HYDIN: variants seen among roughly 807,000 people sequenced by gnomAD.
HYDIN encodes HYDIN axonemal central pair apparatus protein, also known as axonemal central pair apparatus protein HYDIN.
A neutral mutation model predicts 403.9 loss-of-function variants in HYDIN; 132 were observed. That is an observed-to-expected ratio of 0.33 (90% CI 0.28 to 0.38). The LOEUF (loss-of-function observed/expected upper bound fraction) is 0.38. Ranked by LOEUF, HYDIN falls within the 10% of genes least tolerant of loss-of-function variation. The pLI, the probability that HYDIN is intolerant of heterozygous loss-of-function variation, is 1.00. For synonymous variants in HYDIN, 1,202 were observed against 1,891.7 expected, an observed-to-expected ratio of 0.64 and a Z score of 9.46; for missense variants, 2,827 against 5,009.5, an observed-to-expected ratio of 0.56 and a Z score of 13.15.
At chr16:71,127,159 A>G (rs1002628393) in intron 9 of HYDIN, among the ~76,000 whole-genome samples, 2 of 152,226 alleles carry the variant, frequency 1.3e-5, no homozygotes, top group African/African-American at 4.8e-5. Context: ...GAAAACTAGG[A>G]AAGTTTCATG....
chr16:70,893,836 T>C (rs2041619788), intron 55 of HYDIN: 1 of 152,348 alleles, frequency 6.6e-6, no homozygotes, highest in Admixed American at 6.5e-5. Context: ...CTGTGTTTCA[T>C]TTTTTATCTC....
intron 68 of HYDIN, 118 bp downstream of exon 68, chr16:70,862,967 T>C (rs2143623604): frequency 1.6e-6 from 1 of 623,542 alleles, no homozygotes; most frequent in African/African-American, 1.9e-5. Context: ...AGGTCTCTGC[T>C]TTGCTTTTCT....
chr16:70,967,513 G>T (rs902286122), intron 36 of HYDIN, among the ~76,000 whole-genome samples: 1 of 150,108 alleles, frequency 6.7e-6, no homozygotes, highest in Admixed American at 6.6e-5. Context: ...ACAGAGTCTC[G>T]CTCTGTCGCC....
chr16:70,833,112 G>T, intron 79 of HYDIN, 45 bp from the exon 80 acceptor site: 1 of 1,541,760 alleles, frequency 6.5e-7, no homozygotes, highest in Non-Finnish European at 8.7e-7. Flanking sequence ...TATGGATGTT[G>T]TAAGGGTGTC....
intron 10 of HYDIN, among the ~76,000 whole-genome samples, chr16:71,094,659 T>C (rs1337341713): frequency 6.6e-6 from 1 of 152,308 alleles, no homozygotes; most frequent in African/African-American, 2.4e-5. Context: ...CATTTTTACG[T>C]ACACACACAA....
At chr16:71,036,349 T>C (rs1354176292) in intron 18 of HYDIN, among the ~76,000 whole-genome samples, 1 of 152,096 alleles carries the variant, frequency 6.6e-6, no homozygotes, top group Non-Finnish European at 1.5e-5. Flanking sequence ...ATAGCTTTGC[T>C]CATTTATGAG....
At chr16:70,902,778 T>A (rs2076416936) in intron 52 of HYDIN, among the ~76,000 whole-genome samples, 1 of 139,180 alleles carries the variant, frequency 7.2e-6, no homozygotes, top group Non-Finnish European at 1.5e-5. Flanking sequence ...TTTGGGAAAG[T>A]TCCATCTACT....
intron 67 of HYDIN, chr16:70,865,104 T>C (rs2039667207): frequency 8.6e-6 from 2 of 232,246 alleles, no homozygotes; most frequent in South Asian, 1.1e-4. Flanking sequence ...GCAGTAGAAA[T>C]GTCAGTGGCT....
At chr16:70,887,819 G>C (rs937670570) in intron 58 of HYDIN, among the ~76,000 whole-genome samples, 12 of 151,284 alleles carry the variant, frequency 7.9e-5, no homozygotes, top group African/African-American at 2.9e-4. Context: ...GAGTAGCTGG[G>C]ACTACAGGCA....
chr16:71,179,153 G>A, intron 3 of HYDIN, 106 bp from the exon 4 acceptor site: 7 of 785,070 alleles, frequency 8.9e-6, no homozygotes, highest in Admixed American at 3.1e-5. Flanking sequence ...ACTAAACATG[G>A]GAAATATTCA....
chr16:70,889,672 T>C lies in HYDIN; in HGVS notation c.9689A>G (p.Glu3230Gly), dbSNP rs1222613075. The change falls in exon 58 of 86, where the codon GAA becomes GGA. Residue 3230 changes from glutamate to glycine, a missense_variant. Transcript: ENST00000393567. Reference protein sequence around the residue: ...ASHVRHARSRESESFYKTGSS... With the variant: ...ASHVRHARSRGSESFYKTGSS... ...GCCAGTTTTGTAGAAGCTCTCACTT[T>C]CTCGGGATCTTGCATGTCTGACGTG... 4.6e-6 allele frequency: 3 copies of C among 645,802 alleles called. No individual in the cohort carries two copies. Among genetic ancestry groups the C allele is most frequent in the African/African-American group, 4.0e-5 (2 of 50,002 alleles). 40.0% of individuals were successfully genotyped at this position (645,802 alleles called of 1,614,324 possible).
At chr16:71,195,362 A>G (rs1480673919) in intron 1 of HYDIN, among the ~76,000 whole-genome samples, 1 of 152,200 alleles carries the variant, frequency 6.6e-6, no homozygotes, top group African/African-American at 2.4e-5. Context: ...CATGTCTTCA[A>G]CTTTGGCTTC....
intron 71 of HYDIN, among the ~76,000 whole-genome samples, chr16:70,858,269 C>T (rs2039158006): frequency 6.6e-6 from 1 of 152,208 alleles, no homozygotes; most frequent in South Asian, 2.1e-4. Context: ...CCAGATTTCT[C>T]CCTCAGAAGT....
chr16:71,055,734 CA>C (rs2144250841), intron 18 of HYDIN, among the ~76,000 whole-genome samples: 1 of 151,976 alleles, frequency 6.6e-6, no homozygotes, highest in South Asian at 2.1e-4. Flanking sequence ...CTCTGCAGAT[CA>C]CGGAGGCAGA....
At chr16:71,100,758 C>T (rs2083434868) in intron 10 of HYDIN, among the ~76,000 whole-genome samples, 1 of 151,036 alleles carries the variant, frequency 6.6e-6, no homozygotes, top group Admixed American at 6.6e-5. Flanking sequence ...CTAAATATTG[C>T]CTTATATGGC....
chr16:70,848,234 G>T (rs980357298), intron 75 of HYDIN, among the ~76,000 whole-genome samples: 1 of 143,906 alleles, frequency 6.9e-6, no homozygotes, highest in Non-Finnish European at 1.5e-5. Context: ...CTCATACTTT[G>T]CTTTAGTTAT....
intron 19 of HYDIN, among the ~76,000 whole-genome samples, chr16:71,028,208 C>T (rs891859964): frequency 6.6e-6 from 1 of 151,940 alleles, no homozygotes; most frequent in East Asian, 1.9e-4. Flanking sequence ...AAAATACCTA[C>T]TGAAGGAGAA....
chr16:71,221,714 G>T (rs74025907), intron 1 of HYDIN, among the ~76,000 whole-genome samples: 7,357 of 152,136 alleles, frequency 0.048, 604 homozygotes, highest in African/African-American at 0.17. Context: ...TCAACAATTA[G>T]AAAATAAAAT....
intron 6 of HYDIN, among the ~76,000 whole-genome samples, chr16:71,153,072 G>C (rs976263174): frequency 3.3e-5 from 5 of 152,174 alleles, no homozygotes; most frequent in South Asian, 4.2e-4. Flanking sequence ...GAGTATCCCT[G>C]CTGGGCTCAG....
Sources: gnomAD v4.1 joint callset for allele counts (sites outside exome capture counted in the v4.1 genomes callset) on GRCh38, gnomAD v4.1.1 for gene constraint, MANE v1.5 for transcripts, NCBI Gene and HGNC (gene_info 2026-07-23, HGNC 2026-07-21) for gene names.